The following SYNPR variants were observed in gnomAD, a reference collection of about 807,000 sequenced individuals.
SYNPR encodes the protein synaptoporin.
SYNPR carries 23 observed loss-of-function variants against 32.9 expected under a neutral mutation model. The observed-to-expected ratio is 0.70, with a 90% CI of 0.50 to 0.99. The LOEUF is 0.99. Among genes scored for constraint, SYNPR ranks in the 50% least tolerant of loss-of-function variants. The pLI, the probability that SYNPR is intolerant of heterozygous loss-of-function variation, is 0.00. For missense variants in SYNPR, 318 were observed against 349.3 expected (o/e 0.91, Z 0.71); for synonymous variants, 146 against 135.9 (o/e 1.07, Z -0.52).
At chr3:63,560,960 T>A (rs2106833634) in intron 4 of SYNPR, among the ~76,000 whole-genome samples, 1 of 152,182 alleles carries the variant, frequency 6.6e-6, no homozygotes, top group East Asian at 1.9e-4. Context: ...TGCCATCTAT[T>A]TTTTGTCATT....
At chr3:63,545,123 G>A (rs894686898) in intron 3 of SYNPR, among the ~76,000 whole-genome samples, 1 of 152,108 alleles carries the variant, frequency 6.6e-6, no homozygotes, top group South Asian at 2.1e-4. Flanking sequence ...TTCATTGCTG[G>A]GACTGATACT....
intron 2 of SYNPR, among the ~76,000 whole-genome samples, chr3:63,462,831 C>T (rs940350807): frequency 3.9e-5 from 6 of 152,132 alleles, no homozygotes; most frequent in African/African-American, 1.4e-4. Context: ...GAAGTCAAAA[C>T]ACCATAAAAT....
intron 3 of SYNPR, among the ~76,000 whole-genome samples, chr3:63,504,533 G>T (rs575036860): frequency 6.6e-5 from 10 of 152,050 alleles, no homozygotes; most frequent in Admixed American, 5.9e-4. Flanking sequence ...TTGCCCCTTC[G>T]AGTGCAATGT....
At chr3:63,565,422 G>A (rs144557616) in intron 4 of SYNPR, among the ~76,000 whole-genome samples, 1 of 152,286 alleles carries the variant, frequency 6.6e-6, no homozygotes, top group African/African-American at 2.4e-5. Flanking sequence ...AAGATGGTGC[G>A]TTGTTGCAGC....
At position 63,278,518 on chromosome 3, in the gene SYNPR, C is replaced by G; in HGVS notation, c.-16C>G. On this transcript the variant is annotated 5_prime_UTR_variant, in exon 1 of 6. Transcript: ENST00000478300. ...AAAAAGAACTGGTGGATGAGAAGAG[C>G]GAGCGAGGGCGAGCTATGGACCCTG... 6.5e-7 allele frequency: 1 copy of G among 1,546,956 alleles called. No individual in the cohort carries two copies. Among genetic ancestry groups the G allele is most frequent in the South Asian group, 1.2e-5 (1 of 83,494 alleles).
At chr3:63,416,827 A>G (rs752483105) in intron 2 of SYNPR, among the ~76,000 whole-genome samples, 2 of 152,234 alleles carry the variant, frequency 1.3e-5, no homozygotes, top group African/African-American at 4.8e-5. Context: ...CTATCACAAG[A>G]ACAGCACAGG....
At chr3:63,357,027 G>T (rs1049969272) in intron 2 of SYNPR, among the ~76,000 whole-genome samples, 1 of 152,170 alleles carries the variant, frequency 6.6e-6, no homozygotes, top group Admixed American at 6.5e-5. Context: ...AATGCTGAAT[G>T]CTCCACAGAT....
intron 4 of SYNPR, among the ~76,000 whole-genome samples, chr3:63,588,685 T>A (rs1407345105): frequency 2.6e-5 from 4 of 152,150 alleles, no homozygotes; most frequent in Admixed American, 2.0e-4. Flanking sequence ...GATGCTATTT[T>A]CTATATGACA....
At chr3:63,498,872 G>C (rs1336165923) in intron 3 of SYNPR, among the ~76,000 whole-genome samples, 2 of 151,226 alleles carry the variant, frequency 1.3e-5, no homozygotes, top group Admixed American at 6.6e-5. Context: ...TGAGCACTTT[G>C]GGAGGCTGAA....
intron 2 of SYNPR, among the ~76,000 whole-genome samples, chr3:63,469,133 T>C (rs1004224303): frequency 3.3e-5 from 5 of 152,162 alleles, no homozygotes; most frequent in African/African-American, 7.2e-5. Context: ...TGAATCCCGA[T>C]GGGAATTTAT....
chr3:63,530,104 G>A (rs1457859893), intron 3 of SYNPR, among the ~76,000 whole-genome samples: 1 of 152,136 alleles, frequency 6.6e-6, no homozygotes, highest in Non-Finnish European at 1.5e-5. Flanking sequence ...ACCAAGGGAG[G>A]ATATTAAATA....
At chr3:63,293,490 GT>G (rs1313876536) in intron 2 of SYNPR, among the ~76,000 whole-genome samples, 1 of 152,146 alleles carries the variant, frequency 6.6e-6, no homozygotes, top group Non-Finnish European at 1.5e-5. Flanking sequence ...GTTCATGAAT[GT>G]TTTGTCTACA....
chr3:63,586,739 A>C (rs1703191622), intron 4 of SYNPR, among the ~76,000 whole-genome samples: 1 of 151,324 alleles, frequency 6.6e-6, no homozygotes, highest in Non-Finnish European at 1.5e-5. Flanking sequence ...CTAACAGCAG[A>C]TATCTGGCTA....
chr3:63,575,658 C>CA (rs991340377), intron 4 of SYNPR, among the ~76,000 whole-genome samples: 2 of 151,876 alleles, frequency 1.3e-5, no homozygotes, highest in African/African-American at 4.8e-5. Flanking sequence ...GAAATTTAAT[C>CA]AAAAAAACAT....
chr3:63,419,076 A>G (rs952783193), intron 2 of SYNPR, among the ~76,000 whole-genome samples: 1 of 152,232 alleles, frequency 6.6e-6, no homozygotes, highest in Admixed American at 6.5e-5. Flanking sequence ...ACGGTATCTT[A>G]ATAGTGTCTC....
chr3:63,398,075 G>A (rs931265242), intron 2 of SYNPR, among the ~76,000 whole-genome samples: 24 of 152,262 alleles, frequency 1.6e-4, no homozygotes, highest in Admixed American at 8.5e-4. Flanking sequence ...CCTTTTAGAA[G>A]AGCCTGGGCT....
At chr3:63,300,905 C>A (rs1484298126) in intron 2 of SYNPR, among the ~76,000 whole-genome samples, 1 of 152,032 alleles carries the variant, frequency 6.6e-6, no homozygotes, top group East Asian at 1.9e-4. Context: ...TCTAGACAAT[C>A]TGATCAAAGA....
At chr3:63,409,524 T>C (rs1458203596) in intron 2 of SYNPR, among the ~76,000 whole-genome samples, 1 of 152,182 alleles carries the variant, frequency 6.6e-6, no homozygotes, top group African/African-American at 2.4e-5. Flanking sequence ...GGCTCTGCTG[T>C]CTTGCCACCA....
intron 2 of SYNPR, among the ~76,000 whole-genome samples, chr3:63,283,990 A>G (rs567122136): frequency 1.3e-3 from 194 of 151,682 alleles, no homozygotes; most frequent in African/African-American, 4.4e-3. Context: ...TTGTATTTTT[A>G]GTAGAGACAG....
Sources: gnomAD v4.1 joint callset for allele counts (sites outside exome capture counted in the v4.1 genomes callset) on GRCh38, gnomAD v4.1.1 for gene constraint, MANE v1.5 for transcripts, NCBI Gene and HGNC (gene_info 2026-07-23, HGNC 2026-07-21) for gene names.